Variants in GPR158 observed in about 807,000 individuals in gnomAD.
GPR158 encodes the protein metabotropic glycine receptor.
GPR158 carries 30 observed loss-of-function variants against 78.2 expected under a neutral mutation model. The ratio of observed to expected loss-of-function variants is 0.38; its 90% CI spans 0.29 to 0.52. GPR158 has a LOEUF of 0.52. Ranked by LOEUF, GPR158 falls within the 20% of genes least tolerant of loss-of-function variation. GPR158 has a pLI of 0.83. For synonymous variants in GPR158, 581 were observed against 591.1 expected (o/e 0.98, Z 0.25); for missense variants, 1,463 against 1,523.5 (o/e 0.96, Z 0.66).
At chr10:25,276,367 CT>C (rs1159029852) in intron 2 of GPR158, among the ~76,000 whole-genome samples, 1 of 152,140 alleles carries the variant, frequency 6.6e-6, no homozygotes, top group Non-Finnish European at 1.5e-5. Flanking sequence ...CTTTCTCCTT[CT>C]TCCTTTGTAG....
rs73608286 is a variant in GPR158 at position 25,368,121 on chromosome 10, A to G, written c.1009-27790A>G. ...AGAGGAATTAGCCCCACCTGCCAGA[A>G]TGGCAGCTCTCTGGATGAAGTACTG... On this transcript the variant is annotated intron_variant, in intron 2 of 10. Coordinates refer to ENST00000376351, the MANE Select transcript of GPR158 (RefSeq NM_020752.3). Among the ~76,000 whole-genome samples the G allele has an allele frequency of 9.0e-3, 1,361 of 152,006 alleles. 23 individuals carry two copies. The highest frequency in any genetic ancestry group is 0.031 in the African/African-American group (1,285 of 41,534).
chr10:25,550,825 A>G (rs1441194348), intron 5 of GPR158, 151 bp from the exon 6 acceptor site: 11 of 599,078 alleles, frequency 1.8e-5, no homozygotes, highest in Non-Finnish European at 3.3e-5. Flanking sequence ...TTTGGTCTGG[A>G]CAATAAATGG....
At chr10:25,179,540 A>G (rs1176690090) in intron 1 of GPR158, among the ~76,000 whole-genome samples, 2 of 152,192 alleles carry the variant, frequency 1.3e-5, no homozygotes, top group Admixed American at 1.3e-4. Flanking sequence ...ACTTCTTATA[A>G]GAAGTTCAAC....
intron 2 of GPR158, among the ~76,000 whole-genome samples, chr10:25,245,252 T>C (rs1295550163): frequency 1.3e-5 from 2 of 152,228 alleles, no homozygotes; most frequent in Admixed American, 1.3e-4. Flanking sequence ...AACAACCTGT[T>C]CTTCTATGGA....
chr10:25,529,031 C>A (rs539759883), intron 5 of GPR158, among the ~76,000 whole-genome samples: 2 of 152,110 alleles, frequency 1.3e-5, no homozygotes, highest in East Asian at 3.9e-4. Flanking sequence ...GTCTTTTCAA[C>A]GAACGGTGCT....
At position 25,442,066 on chromosome 10, in the gene GPR158, G is replaced by A. The variant is rs574501260; in HGVS notation, c.1336-24585G>A. 4.6e-5 allele frequency among the ~76,000 whole-genome samples: 7 copies of A among 152,284 alleles called. No homozygotes were observed. In the South Asian group the frequency reaches 1.2e-3, roughly 27 times the overall value. Reference sequence around the variant, plus strand: ...ATTTTATTTTAAAATGTCTGTGAATGTAGAGAGGGCACAACTGTGAAAGCT... The same window carrying A: ...ATTTTATTTTAAAATGTCTGTGAATATAGAGAGGGCACAACTGTGAAAGCT... On this transcript the variant is annotated intron_variant, in intron 4 of 10. Coordinates refer to ENST00000376351, the MANE Select transcript of GPR158 (RefSeq NM_020752.3).
chr10:25,517,527 T>C lies in GPR158; in HGVS notation c.1405-33449T>C, dbSNP rs185797455. On this transcript the variant is annotated intron_variant, in intron 5 of 10. Coordinates refer to ENST00000376351, the MANE Select transcript of GPR158 (RefSeq NM_020752.3). Reference sequence around the variant, plus strand: ...GTGGGTTTGTCATAGACAGCTCTTATTATTTTGAAATACGTCCCATCAATA... The same window carrying C: ...GTGGGTTTGTCATAGACAGCTCTTACTATTTTGAAATACGTCCCATCAATA... Among the ~76,000 whole-genome samples the C allele has an allele frequency of 2.0e-3, 304 of 152,184 alleles. 3 individuals are homozygous for C. The highest frequency in any genetic ancestry group is 7.0e-3 in the African/African-American group (290 of 41,430).
At chr10:25,496,935 TAGGAGAA>T (rs1275369684) in intron 5 of GPR158, among the ~76,000 whole-genome samples, 3 of 152,108 alleles carry the variant, frequency 2.0e-5, no homozygotes, top group Admixed American at 2.0e-4. Context: ...AGTGGGAACT[TAGGAGAA>T]AGAGAGAATC....
At chr10:25,410,871 G>A (rs1341413729) in intron 3 of GPR158, among the ~76,000 whole-genome samples, 2 of 152,006 alleles carry the variant, frequency 1.3e-5, no homozygotes, top group Non-Finnish European at 2.9e-5. Context: ...TCTTTACTGA[G>A]GAAACAAAGC....
chr10:25,450,147 A>C (rs190057119), intron 4 of GPR158, among the ~76,000 whole-genome samples: 1 of 152,284 alleles, frequency 6.6e-6, no homozygotes, highest in East Asian at 1.9e-4. Flanking sequence ...AGCTGAAGTT[A>C]GCCAGGCCAG....
chr10:25,316,695 G>T (rs1401646460), intron 2 of GPR158, among the ~76,000 whole-genome samples: 2 of 152,104 alleles, frequency 1.3e-5, no homozygotes, highest in Non-Finnish European at 2.9e-5. Context: ...CAAGTTGTGC[G>T]ATTTTCAACA....
chr10:25,559,679 TATAAA>T (rs1363031178), intron 6 of GPR158, among the ~76,000 whole-genome samples: 7 of 152,238 alleles, frequency 4.6e-5, no homozygotes, highest in Non-Finnish European at 8.8e-5. Flanking sequence ...ATCCTAATGT[TATAAA>T]ATATTTTATG....
intron 5 of GPR158, among the ~76,000 whole-genome samples, chr10:25,530,626 A>G (rs1373644103): frequency 6.6e-6 from 1 of 152,256 alleles, no homozygotes; most frequent in Non-Finnish European, 1.5e-5. Flanking sequence ...TCCATTATCC[A>G]GAAAAATAAG....
intron 2 of GPR158, among the ~76,000 whole-genome samples, chr10:25,308,016 T>C (rs554016576): frequency 1.3e-5 from 2 of 152,320 alleles, no homozygotes; most frequent in South Asian, 4.1e-4. Flanking sequence ...AGATATGAAT[T>C]CCTGTTTTCC....
At chr10:25,336,480 C>G (rs916212459) in intron 2 of GPR158, among the ~76,000 whole-genome samples, 2 of 151,928 alleles carry the variant, frequency 1.3e-5, no homozygotes, top group African/African-American at 4.8e-5. Context: ...TCTACTTTCC[C>G]CCCAGTGCCT....
intron 2 of GPR158, among the ~76,000 whole-genome samples, chr10:25,296,448 C>T (rs1854515102): frequency 6.8e-6 from 1 of 147,258 alleles, no homozygotes; most frequent in Admixed American, 6.8e-5. Context: ...TATATATTAT[C>T]TACTTGTTGG....
chr10:25,391,527 A>G (rs547939279), intron 2 of GPR158, among the ~76,000 whole-genome samples: 23 of 152,150 alleles, frequency 1.5e-4, no homozygotes, highest in South Asian at 1.0e-3. Flanking sequence ...GTCCTGCTGG[A>G]TTTTAGACTT....
intron 5 of GPR158, among the ~76,000 whole-genome samples, chr10:25,485,888 A>G (rs1011790965): frequency 6.6e-6 from 1 of 152,110 alleles, no homozygotes; most frequent in South Asian, 2.1e-4. Flanking sequence ...ATGCTACTAC[A>G]AGGTAAGCCT....
At chr10:25,570,464 G>A (rs534544621) in intron 6 of GPR158, among the ~76,000 whole-genome samples, 6 of 152,124 alleles carry the variant, frequency 3.9e-5, no homozygotes, top group Non-Finnish European at 8.8e-5. Context: ...CTACTGCATT[G>A]TGTTAAATGT....
Sources: gnomAD v4.1 joint callset for allele counts (sites outside exome capture counted in the v4.1 genomes callset) on GRCh38, gnomAD v4.1.1 for gene constraint, MANE v1.5 for transcripts, NCBI Gene and HGNC (gene_info 2026-07-23, HGNC 2026-07-21) for gene names.